The following ST6GALNAC3 variants were observed in gnomAD, a reference collection of about 807,000 sequenced individuals.
ST6GALNAC3 encodes alpha-N-acetylgalactosaminide alpha-2,6-sialyltransferase 3.
In ST6GALNAC3, 25 loss-of-function variants were observed where a neutral mutation model predicts 32.7. That is an observed-to-expected ratio of 0.76 (90% CI 0.56 to 1.07). The LOEUF is 1.07. Among genes scored for constraint, ST6GALNAC3 ranks in the 50% least tolerant of loss-of-function variants. The pLI is 0.00. For missense variants in ST6GALNAC3, 355 were observed against 382.4 expected, an observed-to-expected ratio of 0.93 and a Z score of 0.60; for synonymous variants, 129 against 133.1, an observed-to-expected ratio of 0.97 and a Z score of 0.21.
chr1:76,131,569 C>A (rs574262567), intron 1 of ST6GALNAC3, among the ~76,000 whole-genome samples: 1 of 152,330 alleles, frequency 6.6e-6, no homozygotes, highest in East Asian at 1.9e-4. Context: ...ATCGCCAGCA[C>A]TCAGGGGCCA....
intron 2 of ST6GALNAC3, among the ~76,000 whole-genome samples, chr1:76,328,139 A>G (rs770997809): frequency 6.6e-6 from 1 of 152,156 alleles, no homozygotes; most frequent in Non-Finnish European, 1.5e-5. Context: ...CCTGGCTCCA[A>G]AGCCCCAGGT....
At chr1:76,449,512 GT>G (rs1557895969) in intron 3 of ST6GALNAC3, among the ~76,000 whole-genome samples, 3 of 152,282 alleles carry the variant, frequency 2.0e-5, no homozygotes, top group African/African-American at 7.2e-5. Context: ...AGCTGTATAA[GT>G]TTGCATCCCT....
intron 2 of ST6GALNAC3, among the ~76,000 whole-genome samples, chr1:76,409,662 A>T (rs1369297882): frequency 6.6e-6 from 1 of 152,114 alleles, no homozygotes; most frequent in Non-Finnish European, 1.5e-5. Context: ...GGAAAGGCTG[A>T]TGATTTTTGA....
intron 1 of ST6GALNAC3, among the ~76,000 whole-genome samples, chr1:76,198,641 A>G (rs764532796): frequency 6.6e-6 from 1 of 152,034 alleles, no homozygotes; most frequent in Admixed American, 6.6e-5. Flanking sequence ...GTCTGCCTCA[A>G]GGTTTCTGGC....
intron 3 of ST6GALNAC3, chr1:76,577,040 T>C (rs1021981482): frequency 1.1e-5 from 13 of 1,164,276 alleles, no homozygotes; most frequent in Non-Finnish European, 1.4e-5. Context: ...TGTAAAGTTC[T>C]TTCCCTTTGT....
intron 3 of ST6GALNAC3, among the ~76,000 whole-genome samples, chr1:76,620,760 G>A (rs1188502727): frequency 6.6e-6 from 1 of 151,988 alleles, no homozygotes; most frequent in African/African-American, 2.4e-5. Flanking sequence ...CTCAACATAT[G>A]AATTTGGGGG....
intron 3 of ST6GALNAC3, among the ~76,000 whole-genome samples, chr1:76,593,056 A>T (rs1647075429): frequency 6.6e-6 from 1 of 152,162 alleles, no homozygotes; most frequent in African/African-American, 2.4e-5. Context: ...TACTGAAAAC[A>T]TGATTTTTTC....
At chr1:76,224,060 A>G (rs944239265) in intron 1 of ST6GALNAC3, among the ~76,000 whole-genome samples, 15 of 151,984 alleles carry the variant, frequency 9.9e-5, no homozygotes, top group African/African-American at 3.6e-4. Flanking sequence ...GTGACGTGAG[A>G]CTCACCCCAC....
At chr1:76,086,326 A>G (rs1340972862) in intron 1 of ST6GALNAC3, among the ~76,000 whole-genome samples, 1 of 152,168 alleles carries the variant, frequency 6.6e-6, no homozygotes, top group African/African-American at 2.4e-5. Context: ...AAGGATTAGG[A>G]ATGGGGAAAT....
intron 3 of ST6GALNAC3, among the ~76,000 whole-genome samples, chr1:76,480,724 A>T (rs1052366616): frequency 6.6e-6 from 1 of 152,160 alleles, no homozygotes; most frequent in Non-Finnish European, 1.5e-5. Flanking sequence ...TATATCTTAA[A>T]TAACATATAT....
At chr1:76,341,686 T>TTTCTTTCC (rs1557804057) in intron 2 of ST6GALNAC3, among the ~76,000 whole-genome samples, 2 of 117,008 alleles carry the variant, frequency 1.7e-5, no homozygotes, top group African/African-American at 3.5e-5. Flanking sequence ...TCTTTCCTTC[T>TTTCTTTCC]TTCTTTCTTT....
intron 2 of ST6GALNAC3, among the ~76,000 whole-genome samples, chr1:76,328,294 G>A (rs1019050034): frequency 1.3e-5 from 2 of 152,136 alleles, no homozygotes; most frequent in Non-Finnish European, 2.9e-5. Context: ...GTTGAATTGG[G>A]GAACTTCACG....
chr1:76,190,723 GC>G (rs1653843853), intron 1 of ST6GALNAC3, among the ~76,000 whole-genome samples: 1 of 152,176 alleles, frequency 6.6e-6, no homozygotes, highest in Non-Finnish European at 1.5e-5. Flanking sequence ...GTAAGGTAAA[GC>G]TTTTTAGCCA....
At chr1:76,457,463 G>A (rs149128510) in intron 3 of ST6GALNAC3, among the ~76,000 whole-genome samples, 2,498 of 152,008 alleles carry the variant, frequency 0.016, 36 homozygotes, top group Non-Finnish European at 0.023. Context: ...ATACTACAAG[G>A]CTATACTATA....
chr1:76,299,727 C>A (rs1255494430), intron 1 of ST6GALNAC3, among the ~76,000 whole-genome samples: 1 of 152,018 alleles, frequency 6.6e-6, no homozygotes, highest in East Asian at 1.9e-4. Flanking sequence ...TGGGGACTAA[C>A]TTCATATATA....
At chr1:76,346,283 T>C (rs746248637) in intron 2 of ST6GALNAC3, among the ~76,000 whole-genome samples, 1 of 152,092 alleles carries the variant, frequency 6.6e-6, no homozygotes, top group Non-Finnish European at 1.5e-5. Flanking sequence ...TTTTCCAAGG[T>C]CACAGACAGG....
intron 1 of ST6GALNAC3, among the ~76,000 whole-genome samples, chr1:76,275,538 G>T (rs1347301321): frequency 6.6e-6 from 1 of 151,958 alleles, no homozygotes; most frequent in African/African-American, 2.4e-5. Context: ...ACTCAGACAG[G>T]GCCCAGGATC....
At chr1:76,226,836 C>T (rs555106046) in intron 1 of ST6GALNAC3, among the ~76,000 whole-genome samples, 11 of 152,154 alleles carry the variant, frequency 7.2e-5, no homozygotes, top group Non-Finnish European at 1.5e-4. Flanking sequence ...TTCCAATCAC[C>T]TCCTCACCTC....
In ST6GALNAC3 at chr1:76,094,382, T is replaced by C. The variant is rs377222835; in HGVS notation, c.18+19498T>C. Among the ~76,000 whole-genome samples the C allele has an allele frequency of 8.5e-5, 13 of 152,194 alleles. 1 individual carries two copies. Among genetic ancestry groups the C allele is most frequent in the East Asian group, 7.7e-4 (4 of 5,192 alleles). Reference sequence around the variant, plus strand: ...CCCAAGGCATTAGGGATGGTGATCATAATAGCTAGCATTTATTGAGAGCTT... The same window carrying C: ...CCCAAGGCATTAGGGATGGTGATCACAATAGCTAGCATTTATTGAGAGCTT... On this transcript the variant is annotated intron_variant, in intron 1 of 4. Coordinates refer to ENST00000328299, the MANE Select transcript of ST6GALNAC3 (RefSeq NM_152996.4).
Sources: gnomAD v4.1 joint callset for allele counts (sites outside exome capture counted in the v4.1 genomes callset) on GRCh38, gnomAD v4.1.1 for gene constraint, MANE v1.5 for transcripts, NCBI Gene and HGNC (gene_info 2026-07-23, HGNC 2026-07-21) for gene names.